Variants in CHD5 observed in about 807,000 individuals in gnomAD.
The protein encoded by CHD5 is ATP-dependent chromatin remodeler CHD5.
CHD5 carries 69 observed loss-of-function variants against 230.3 expected under a neutral mutation model. That is an observed-to-expected ratio of 0.30 (90% CI 0.25 to 0.37). The LOEUF (loss-of-function observed/expected upper bound fraction) is 0.37, where lower values mean the gene tolerates loss of function less well. Among genes scored for constraint, CHD5 ranks in the 10% least tolerant of loss-of-function variants. CHD5 has a pLI of 1.00. For missense variants in CHD5, 1,827 were observed against 2,622.8 expected, an observed-to-expected ratio of 0.70 and a Z score of 6.63; for synonymous variants, 1,064 against 1,065.9, an observed-to-expected ratio of 1.00 and a Z score of 0.03.
chr1:6,167,371 T>C lies in CHD5; in HGVS notation c.207+779A>G, dbSNP rs952497842. On this transcript the variant is annotated intron_variant, in intron 2 of 41. Transcript: ENST00000262450. This position sits in a 1 kb window ranked among gnomAD's most constrained non-coding sequence, Gnocchi z 4.5. ...GCTTGCCATTGCTCTCAACATAGGGTCGCTTGGAGGATCAGAGGAGACGCC... is the reference window on the plus strand; with the variant it reads ...GCTTGCCATTGCTCTCAACATAGGGCCGCTTGGAGGATCAGAGGAGACGCC... Among the ~76,000 whole-genome samples, 3 of 151,838 alleles carry C rather than the reference T, an allele frequency of 2.0e-5. No individual in the cohort carries two copies. Among genetic ancestry groups the C allele is most frequent in the Admixed American group, 6.6e-5 (1 of 15,244 alleles).
At chr1:6,151,209 C>T in intron 6 of CHD5, 54 bp from the exon 7 acceptor site, 1 of 1,551,122 alleles carries the variant, frequency 6.4e-7, no homozygotes, top group African/African-American at 1.4e-5. Context: ...GAAGGCTTCG[C>T]TGGCCCAGGC....
chr1:6,162,962 G>A (rs936245650), intron 2 of CHD5, among the ~76,000 whole-genome samples: 12 of 152,298 alleles, frequency 7.9e-5, no homozygotes, highest in South Asian at 4.1e-4. Flanking sequence ...AGGGAGAGCC[G>A]GAAGGAGGGA....
rs540786413 is a variant in CHD5, at chr1:6,123,883, G to T, written c.4699+65C>A. On this transcript the variant is annotated intron_variant, in intron 31 of 41. Coordinates refer to ENST00000262450, the MANE Select transcript of CHD5 (RefSeq NM_015557.3). ...CTGTGGGATTGTGGGTTAGACTAGGGGTTTCTGTGACCTTGCCACTTTCCA... is the reference window on the plus strand; with the variant it reads ...CTGTGGGATTGTGGGTTAGACTAGGTGTTTCTGTGACCTTGCCACTTTCCA... The T allele has an allele frequency of 4.1e-6, 5 of 1,215,618 alleles. No homozygotes were observed. The African/African-American group carries it at 6.4e-5, about 15-fold the overall frequency. 75.3% of individuals were successfully genotyped at this position (1,215,618 alleles called of 1,614,324 possible). A position where few individuals can be genotyped will look rare whatever the true frequency, so the allele number is the denominator to read the frequency against.
chr1:6,111,147 T>C (rs1484245591), intron 36 of CHD5, among the ~76,000 whole-genome samples: 2 of 151,240 alleles, frequency 1.3e-5, no homozygotes, highest in African/African-American at 4.9e-5. Flanking sequence ...GAAGAATCAC[T>C]TGAACCCAGG....
rs1666111572 is a variant in CHD5, at chr1:6,103,681, C to T, written c.*1793G>A. The T allele has an allele frequency of 6.6e-6, 1 of 152,338 alleles. No homozygotes were observed. Among genetic ancestry groups the T allele is most frequent in the African/African-American group, 2.4e-5 (1 of 41,460 alleles). The allele number at this position is 152,338 out of a possible 1,614,324, so 9.4% of individuals were successfully genotyped here. A position where few individuals can be genotyped will look rare whatever the true frequency, so the allele number is the denominator to read the frequency against. On this transcript the variant is annotated 3_prime_UTR_variant, in exon 42 of 42. Coordinates refer to ENST00000262450, the MANE Select transcript of CHD5 (RefSeq NM_015557.3). ...ATGTGAGCCCGCTGACAATCATCTC[C>T]ACTCCAGGGTGCTCCCCACTACGCC...
At chr1:6,133,013 A>G (rs938174301) in intron 20 of CHD5, among the ~76,000 whole-genome samples, 4 of 151,406 alleles carry the variant, frequency 2.6e-5, no homozygotes, top group Admixed American at 1.3e-4. Context: ...TCCTGCCTCA[A>G]CCTCCCAAGT....
At chr1:6,166,399 C>T (rs1215784660) in intron 2 of CHD5, among the ~76,000 whole-genome samples, 1 of 151,790 alleles carries the variant, frequency 6.6e-6, no homozygotes, top group Non-Finnish European at 1.5e-5. Flanking sequence ...GCTGCAGAAG[C>T]CCCACAAGGC....
chr1:6,172,233 C>G (rs1377195511), intron 1 of CHD5, among the ~76,000 whole-genome samples: 1 of 152,252 alleles, frequency 6.6e-6, no homozygotes, highest in Admixed American at 6.5e-5. Flanking sequence ...TACCACCTGC[C>G]AGGCTCGTGC....
chr1:6,124,133 AG>A (rs1230010976), intron 30 of CHD5, 26 bp from the exon 31 acceptor site: 1 of 1,600,806 alleles, frequency 6.2e-7, no homozygotes, highest in Non-Finnish European at 8.5e-7. Flanking sequence ...GGAAGGTGGA[AG>A]GGAAAGAGGG....
intron 40 of CHD5, 32 bp from the exon 41 acceptor site, chr1:6,106,319 T>A: frequency 6.2e-7 from 1 of 1,612,696 alleles, no homozygotes; most frequent in Non-Finnish European, 8.5e-7. Flanking sequence ...CGGGCTTGCC[T>A]GACGTTGGCA....
chr1:6,101,917 G>A lies in CHD5; in HGVS notation c.*3557C>T, dbSNP rs781172197. The stretch of plus-strand genomic sequence containing the variant: ...CGTGGGCGAAGACCAGACAAGCCAC[G>A]GCTCACAGGGGAGCCTGGCTTCCAA... On this transcript the variant is annotated 3_prime_UTR_variant, in exon 42 of 42. Transcript: ENST00000262450. The A allele has an allele frequency of 4.9e-5, 17 of 344,990 alleles. No homozygotes were observed. Among genetic ancestry groups the A allele is most frequent in the African/African-American group, 2.1e-4 (9 of 43,488 alleles). The allele number at this position is 344,990 out of a possible 1,614,324, so 21.4% of individuals were successfully genotyped here.
At chr1:6,115,693 G>A (rs1238862576) in intron 33 of CHD5, among the ~76,000 whole-genome samples, 1 of 152,182 alleles carries the variant, frequency 6.6e-6, no homozygotes, top group Non-Finnish European at 1.5e-5. Flanking sequence ...CAACAACAAG[G>A]AGTGAGCATG....
rs867016608 is a variant in CHD5, at chr1:6,168,837, G to A, written c.80-560C>T. Among the ~76,000 whole-genome samples the A allele has an allele frequency of 2.6e-5, 4 of 152,036 alleles. No individual in the cohort carries two copies. The East Asian group carries it at 5.8e-4, about 22-fold the overall frequency. On this transcript the variant is annotated intron_variant, in intron 1 of 41. Coordinates refer to ENST00000262450, the MANE Select transcript of CHD5 (RefSeq NM_015557.3). The stretch of plus-strand genomic sequence containing the variant: ...AGTCTGAGACCAGCCTGGCCAACAC[G>A]ATGAAACCCCGTCTCTACTAAAAAT...
chr1:6,166,648 C>T (rs1248834389), intron 2 of CHD5, among the ~76,000 whole-genome samples: 1 of 152,086 alleles, frequency 6.6e-6, no homozygotes, highest in Non-Finnish European at 1.5e-5. Context: ...AGAAAAGGAA[C>T]CACAGGCTGC....
Position 6,146,465 on chromosome 1 carries a change from C to T in CHD5, c.1591-42G>A, listed in dbSNP as rs1332290320. 1 of 1,575,202 alleles carries T rather than the reference C, an allele frequency of 6.3e-7. No individual in the cohort carries two copies. Among genetic ancestry groups the T allele is most frequent in the Admixed American group, 1.7e-5 (1 of 59,240 alleles). On this transcript the variant is annotated intron_variant, in intron 10 of 41. Transcript: ENST00000262450. The surrounding 1 kb of genome is among the most constrained non-coding windows in gnomAD (Gnocchi z 5.1). Reference sequence around the variant, plus strand: ...ACAAAGTCACAGAAGGGAGATGGGCCATGGTCCCCTGCATCTCCCTACCCA... The same window carrying T: ...ACAAAGTCACAGAAGGGAGATGGGCTATGGTCCCCTGCATCTCCCTACCCA...
chr1:6,122,623 C>A (rs192791858), intron 31 of CHD5, among the ~76,000 whole-genome samples: 25 of 152,322 alleles, frequency 1.6e-4, no homozygotes, highest in African/African-American at 6.0e-4. Context: ...CCCAGCAATT[C>A]CATTCCTAGA....
chr1:6,145,321 C>T (rs72632532), intron 11 of CHD5, among the ~76,000 whole-genome samples: 3,335 of 152,342 alleles, frequency 0.022, 75 homozygotes, highest in Non-Finnish European at 0.029. Context: ...TACCCAACAG[C>T]TGCCTGAAGC....
At position 6,124,326 on chromosome 1, in the gene CHD5, A is replaced by C. The variant is rs377510661; in HGVS notation, c.4539+191T>G. On this transcript the variant is annotated intron_variant, in intron 30 of 41. Coordinates refer to ENST00000262450, the MANE Select transcript of CHD5 (RefSeq NM_015557.3). ...GTCCTCCAACTGTATGTAACCCACC[A>C]TCCTGGCCTCCACCCCACAGGCCCC... 2.1e-3 allele frequency among the ~76,000 whole-genome samples: 147 copies of C among 69,358 alleles called. 1 individual carries two copies. In the South Asian group the frequency reaches 0.036, roughly 17 times the overall value. The allele number at this position is 69,358 out of a possible 152,430, so 45.5% of individuals were successfully genotyped here.
intron 2 of CHD5, among the ~76,000 whole-genome samples, chr1:6,161,069 T>G (rs555774218): frequency 2.0e-5 from 3 of 150,502 alleles, no homozygotes. Flanking sequence ...ACCGGAGAGA[T>G]AAAAAATGAG....
Sources: gnomAD v4.1 joint callset for allele counts (sites outside exome capture counted in the v4.1 genomes callset) on GRCh38, gnomAD v4.1.1 for gene constraint, Gnocchi (gnomAD v3.1) non-coding constraint, MANE v1.5 for transcripts, NCBI Gene and HGNC (gene_info 2026-07-23, HGNC 2026-07-21) for gene names.